SCAPER: variants seen among roughly 807,000 people sequenced by gnomAD.
The protein encoded by SCAPER is S phase cyclin A-associated protein in the endoplasmic reticulum.
Under a neutral mutation model 182.2 loss-of-function variants are expected in SCAPER, and 98 were observed. That is an observed-to-expected ratio of 0.54 (90% CI 0.46 to 0.64). The LOEUF (loss-of-function observed/expected upper bound fraction) is 0.64. Ranked by LOEUF, SCAPER falls within the 30% of genes least tolerant of loss-of-function variation. The probability of loss-of-function intolerance (pLI) is 0.00; values close to 1 mark genes in which losing one functional copy is unlikely to be tolerated. For missense variants in SCAPER, 1,432 were observed against 1,690.0 expected (o/e 0.85, Z 2.68); for synonymous variants, 605 against 564.6 (o/e 1.07, Z -1.01).
At chr15:76,748,641 T>A (rs1220188140) in intron 15 of SCAPER, among the ~76,000 whole-genome samples, 1 of 151,202 alleles carries the variant, frequency 6.6e-6, no homozygotes, top group Non-Finnish European at 1.5e-5. Flanking sequence ...GGAACTCGTA[T>A]AACTGAACAA....
intron 29 of SCAPER, among the ~76,000 whole-genome samples, chr15:76,374,654 T>C (rs972091131): frequency 1.3e-5 from 2 of 151,738 alleles, no homozygotes; most frequent in Admixed American, 6.6e-5. Flanking sequence ...GTTAATTTTG[T>C]ATTTTTAGTA....
At chr15:76,532,221 C>A (rs2043735329) in intron 23 of SCAPER, among the ~76,000 whole-genome samples, 1 of 152,098 alleles carries the variant, frequency 6.6e-6, no homozygotes, top group Non-Finnish European at 1.5e-5. Context: ...TGAGGCTTAT[C>A]ATTTCTGTGG....
At chr15:76,364,993 C>T (rs973765054) in intron 29 of SCAPER, among the ~76,000 whole-genome samples, 2 of 152,032 alleles carry the variant, frequency 1.3e-5, no homozygotes, top group African/African-American at 4.8e-5. Context: ...GGCATAGATC[C>T]AGGTTTGTTA....
At chr15:76,780,934 C>A (rs1301432561) in intron 8 of SCAPER, among the ~76,000 whole-genome samples, 1 of 152,122 alleles carries the variant, frequency 6.6e-6, no homozygotes, top group East Asian at 1.9e-4. Flanking sequence ...GGGGAGAAAC[C>A]AGAGCAGAAA....
intron 21 of SCAPER, among the ~76,000 whole-genome samples, chr15:76,639,520 A>G (rs2053927333): frequency 1.3e-5 from 2 of 152,212 alleles, no homozygotes; most frequent in Admixed American, 1.3e-4. Flanking sequence ...GGGGCTGGAG[A>G]GAGTGTTATA....
intron 22 of SCAPER, among the ~76,000 whole-genome samples, chr15:76,577,449 AAAG>A (rs999899835): frequency 6.6e-4 from 100 of 152,114 alleles, no homozygotes; most frequent in Admixed American, 7.2e-4. Context: ...CCTGTTTCAA[AAAG>A]AAGAAGAAGA....
chr15:76,420,924 T>C lies in SCAPER; in HGVS notation c.3311+13154A>G, dbSNP rs1476909904. On this transcript the variant is annotated intron_variant, in intron 26 of 31. Coordinates refer to ENST00000563290, the MANE Select transcript of SCAPER (RefSeq NM_020843.4). ...CTGAGAATGATGGTTTCTAGATTCA[T>C]CCATGTCCCTACAAAGGACATGAAC... is the stretch of plus-strand genomic sequence containing the variant. Among the ~76,000 whole-genome samples the C allele has an allele frequency of 3.9e-5, 6 of 152,338 alleles. No homozygotes were observed. The East Asian group carries it at 7.7e-4, about 20-fold the overall frequency.
At chr15:76,528,305 T>C (rs537479743) in intron 23 of SCAPER, among the ~76,000 whole-genome samples, 4 of 152,260 alleles carry the variant, frequency 2.6e-5, no homozygotes, top group African/African-American at 9.6e-5. Context: ...ATTTCTACTG[T>C]TTCCTTTACT....
chr15:76,363,314 T>G (rs2041578634), intron 29 of SCAPER, among the ~76,000 whole-genome samples: 1 of 152,222 alleles, frequency 6.6e-6, no homozygotes. Flanking sequence ...CCAGGGAGCC[T>G]GTACCTACCA....
At chr15:76,691,798 CAT>C (rs1477674496) in intron 20 of SCAPER, among the ~76,000 whole-genome samples, 3 of 152,110 alleles carry the variant, frequency 2.0e-5, no homozygotes, top group Non-Finnish European at 4.4e-5. Context: ...CTTCTGTACA[CAT>C]GATATCACCA....
Position 76,603,632 on chromosome 15 carries a change from T to A in SCAPER, c.2711+18132A>T, listed in dbSNP as rs559645329. ...CTGACTTCCACAATGGTTGAACTAG[T>A]TTGCAGTCCCACTCACAGTGTAAAA... On this transcript the variant is annotated intron_variant, in intron 22 of 31. Transcript: ENST00000563290. Among the ~76,000 whole-genome samples, 5 of 122,032 alleles carry A rather than the reference T, an allele frequency of 4.1e-5. 1 individual carries two copies. In the South Asian group the frequency reaches 1.3e-3, roughly 31 times the overall value. 80.1% of individuals were successfully genotyped at this position (122,032 alleles called of 152,430 possible). A position where few individuals can be genotyped will look rare whatever the true frequency, so the allele number is the denominator to read the frequency against.
intron 23 of SCAPER, among the ~76,000 whole-genome samples, chr15:76,514,244 A>T (rs1206438160): frequency 1.3e-5 from 2 of 152,204 alleles, no homozygotes; most frequent in Admixed American, 6.5e-5. Context: ...TAAAGATAAG[A>T]TGTGTGGCTT....
At chr15:76,530,605 T>C (rs1431380403) in intron 23 of SCAPER, among the ~76,000 whole-genome samples, 1 of 152,114 alleles carries the variant, frequency 6.6e-6, no homozygotes, top group Non-Finnish European at 1.5e-5. Flanking sequence ...CTTCCTATGG[T>C]TTTTCCAAAC....
At chr15:76,678,941 TCA>T (rs2057528003) in intron 20 of SCAPER, among the ~76,000 whole-genome samples, 1 of 152,166 alleles carries the variant, frequency 6.6e-6, no homozygotes, top group Non-Finnish European at 1.5e-5. Flanking sequence ...AGAGTTTTAT[TCA>T]GACTAAGACC....
At position 76,574,182 on chromosome 15, in the gene SCAPER, C is replaced by T; in HGVS notation, c.2814G>A (p.Glu938=). 1 of 1,607,500 alleles carries T rather than the reference C, an allele frequency of 6.2e-7. No homozygotes were observed. The highest frequency in any genetic ancestry group is 8.5e-7 in the Non-Finnish European group (1 of 1,177,254). The change falls in exon 23 of 32, where the codon GAG becomes GAA. Residue 938 remains glutamate, a synonymous_variant. Coordinates refer to ENST00000563290, the MANE Select transcript of SCAPER (RefSeq NM_020843.4). The part of the protein sequence containing the change: ...KVSALDRTLG[E]ITRILEKENV... ...CCTCTTTTTCCAGTATTCTAGTGAT[C>T]TCTCCTAGGGTCCGATCCAAAGCAG...
intron 25 of SCAPER, among the ~76,000 whole-genome samples, chr15:76,442,334 CTT>C (rs2047670627): frequency 1.3e-5 from 2 of 152,170 alleles, no homozygotes; most frequent in South Asian, 4.1e-4. Context: ...TTAAATGTCT[CTT>C]ACTGGTTTGT....
At chr15:76,526,884 G>C (rs1467045292) in intron 23 of SCAPER, among the ~76,000 whole-genome samples, 1 of 150,480 alleles carries the variant, frequency 6.6e-6, no homozygotes, top group East Asian at 1.9e-4. Flanking sequence ...ATTTTTTTAG[G>C]GGGGAACGTA....
chr15:76,558,812 T>C (rs1232006587), intron 23 of SCAPER, among the ~76,000 whole-genome samples: 2 of 151,964 alleles, frequency 1.3e-5, no homozygotes, highest in African/African-American at 2.4e-5. Context: ...AAATGTGATA[T>C]ATATACACAC....
chr15:76,657,565 A>G (rs1193242674), intron 21 of SCAPER, among the ~76,000 whole-genome samples: 1 of 148,852 alleles, frequency 6.7e-6, no homozygotes, highest in Non-Finnish European at 1.5e-5. Context: ...TTCTGATATC[A>G]AAATCTGGCA....
Sources: allele counts gnomAD v4.1 joint callset (sites outside exome capture counted in the v4.1 genomes callset), GRCh38; gene constraint gnomAD v4.1.1; transcripts MANE v1.5; gene names NCBI Gene and HGNC (gene_info 2026-07-23, HGNC 2026-07-21).